Variants in ORC3 observed in about 807,000 individuals in gnomAD.
ORC3 encodes origin recognition complex subunit 3, also known as homolog of latheo, Drosophila.
A neutral mutation model predicts 100.7 loss-of-function variants in ORC3; 78 were observed. The observed-to-expected ratio is 0.77, with a 90% confidence interval of 0.65 to 0.94. The LOEUF is 0.94. Among genes scored for constraint, ORC3 ranks in the 40% least tolerant of loss-of-function variants. The pLI, the probability that ORC3 is intolerant of heterozygous loss-of-function variation, is 0.00. For synonymous variants in ORC3, 295 were observed against 289.3 expected, an observed-to-expected ratio of 1.02 and a Z score of -0.20; for missense variants, 789 against 823.9, an observed-to-expected ratio of 0.96 and a Z score of 0.52.
At chr6:87,619,524 A>G (rs1389709657) in intron 9 of ORC3, among the ~76,000 whole-genome samples, 1 of 152,126 alleles carries the variant, frequency 6.6e-6, no homozygotes, top group Non-Finnish European at 1.5e-5. Context: ...CTCCTGCCTC[A>G]GCCTCCTGAG....
At chr6:87,616,938 C>G (rs1240816538) in intron 9 of ORC3, among the ~76,000 whole-genome samples, 1 of 152,124 alleles carries the variant, frequency 6.6e-6, no homozygotes, top group East Asian at 1.9e-4. Flanking sequence ...GCTGGGATTA[C>G]AGGTGCGTGC....
At chr6:87,610,293 C>G (rs1422848838) in intron 7 of ORC3, among the ~76,000 whole-genome samples, 1 of 152,056 alleles carries the variant, frequency 6.6e-6, no homozygotes, top group African/African-American at 2.4e-5. Context: ...CCTGCCACCT[C>G]CGCCTCCCGG....
chr6:87,643,156 A>G (rs554176221), intron 13 of ORC3, among the ~76,000 whole-genome samples: 6 of 151,164 alleles, frequency 4.0e-5, no homozygotes, highest in South Asian at 4.2e-4. Flanking sequence ...TTCAATGTGC[A>G]TAAGAATTAG....
At chr6:87,671,753 A>G (rs1770837705), downstream of ORC3, among the ~76,000 whole-genome samples, 3 of 152,284 alleles carry the variant, frequency 2.0e-5, no homozygotes, top group Middle Eastern at 6.8e-3. Context: ...AGATTTAACA[A>G]TGTGGAAATC....
At chr6:87,671,058 T>C (rs2100134799), downstream of ORC3, among the ~76,000 whole-genome samples, 1 of 152,086 alleles carries the variant, frequency 6.6e-6, no homozygotes, top group South Asian at 2.1e-4. Flanking sequence ...TCAATAGGAA[T>C]TGAATGAGGT....
the ORC3 span, among the ~76,000 whole-genome samples, chr6:87,676,337 C>G: frequency 7.4e-5 from 11 of 149,164 alleles, no homozygotes; most frequent in East Asian, 6.0e-4. Context: ...TGGTGGCAGG[C>G]CGCCTGTAGT....
At chr6:87,658,783 C>G (rs1434260945) in intron 16 of ORC3, among the ~76,000 whole-genome samples, 2 of 152,132 alleles carry the variant, frequency 1.3e-5, no homozygotes, top group Non-Finnish European at 2.9e-5. Flanking sequence ...ACCTCATTAT[C>G]AGCACTAAAT....
Position 87,619,318 on chromosome 6 carries a change from A to G in ORC3, c.988-2036A>G, listed in dbSNP as rs543727791. ...GTTTTCTCATTTGTAAAATAAAGCA[A>G]TCAGATTAGATGATTTTATGGTTTC... is the stretch of plus-strand genomic sequence containing the variant. On this transcript the variant is annotated intron_variant, in intron 9 of 19. Coordinates refer to ENST00000392844, the MANE Select transcript of ORC3 (RefSeq NM_012381.4). 6.5e-4 allele frequency among the ~76,000 whole-genome samples: 99 copies of G among 152,328 alleles called. 1 individual carries two copies. The highest frequency in any genetic ancestry group is 2.4e-3 in the African/African-American group (98 of 41,580).
chr6:87,627,055 T>C (rs1344960631), intron 11 of ORC3, among the ~76,000 whole-genome samples: 1 of 151,986 alleles, frequency 6.6e-6, no homozygotes, highest in Non-Finnish European at 1.5e-5. Context: ...TGGAGTGTAA[T>C]GGCGTTATCT....
intron 13 of ORC3, among the ~76,000 whole-genome samples, chr6:87,642,686 A>C (rs1459117173): frequency 6.6e-6 from 1 of 151,304 alleles, no homozygotes; most frequent in Non-Finnish European, 1.5e-5. Flanking sequence ...ATGGATCACG[A>C]GGTCAGGAGA....
intron 13 of ORC3, among the ~76,000 whole-genome samples, chr6:87,649,114 G>A (rs1038351773): frequency 4.6e-5 from 7 of 152,092 alleles, no homozygotes; most frequent in Admixed American, 1.3e-4. Context: ...CTCCCAGACC[G>A]TACTTACATT....
At chr6:87,677,176 T>G in the ORC3 span, among the ~76,000 whole-genome samples, 1 of 151,962 alleles carries the variant, frequency 6.6e-6, no homozygotes, top group Admixed American at 6.6e-5. Context: ...GGCAACTGAC[T>G]GCAATGAGAA....
At chr6:87,676,447 CAAAAAAAAAAA>C in the ORC3 span, among the ~76,000 whole-genome samples, 52 of 41,914 alleles carry the variant, frequency 1.2e-3, no homozygotes, top group East Asian at 5.7e-3. Context: ...GCCTGGGCAA[CAAAAAAAAAAA>C]AAAAAAAAAA....
At chr6:87,659,341 C>T (rs1369871274) in intron 16 of ORC3, among the ~76,000 whole-genome samples, 4 of 151,820 alleles carry the variant, frequency 2.6e-5, no homozygotes, top group Non-Finnish European at 4.4e-5. Flanking sequence ...GGATTACAGG[C>T]GTGAGCCACC....
chr6:87,648,743 A>T (rs1360837319), intron 13 of ORC3, among the ~76,000 whole-genome samples: 2 of 152,252 alleles, frequency 1.3e-5, no homozygotes, highest in Non-Finnish European at 2.9e-5. Context: ...TTAGTATTAC[A>T]TATTGCCCTA....
chr6:87,665,613 C>G, intron 18 of ORC3, 141 bp from the exon 19 acceptor site: 1 of 564,320 alleles, frequency 1.8e-6, no homozygotes, highest in East Asian at 3.0e-5. Flanking sequence ...TTAAAGTGAT[C>G]ATCAGTGTAG....
At chr6:87,673,835 A>C in the ORC3 span, among the ~76,000 whole-genome samples, 1 of 151,152 alleles carries the variant, frequency 6.6e-6, no homozygotes. Context: ...GCAAGACTCC[A>C]TCTCAAAAAA....
In ORC3 at chr6:87,653,150, G is replaced by C. The variant is rs1282293303; in HGVS notation, c.1417G>C (p.Glu473Gln). Reference protein sequence around the residue: ...LAKDELMTILEKCFKVFKSYC... With the variant: ...LAKDELMTILQKCFKVFKSYC... ...AAAGGATGAACTGATGACCATACTT[G>C]AGAAATGTTTCAAGGTTTTTAAGTC... Residue 473 changes from glutamate to glutamine, a missense_variant, in exon 14 of 20, where the codon GAG (glutamate) becomes CAG (glutamine). By Grantham distance (29) the Glu-to-Gln change is conservative (BLOSUM62 2). This residue lies in a region of ORC3 where 366 missense variants were observed against 394.2 expected (regional missense o/e 0.93). Transcript: ENST00000392844. 8.7e-6 allele frequency: 14 copies of C among 1,613,460 alleles called. No individual in the cohort carries two copies. The highest frequency in any genetic ancestry group is 1.3e-5 in the African/African-American group (1 of 74,904).
At chr6:87,674,652 T>C in the ORC3 span, among the ~76,000 whole-genome samples, 2 of 140,986 alleles carry the variant, frequency 1.4e-5, no homozygotes, top group Non-Finnish European at 3.0e-5. Context: ...ATTTTTTTTT[T>C]TTTAGTAGAG....
Sources: gnomAD v4.1 joint callset for allele counts (sites outside exome capture counted in the v4.1 genomes callset) on GRCh38, gnomAD v4.1.1 for gene constraint, gnomAD v4.1.1 regional missense constraint, MANE v1.5 for transcripts, NCBI Gene and HGNC (gene_info 2026-07-23, HGNC 2026-07-21) for gene names.